The following IFT46 variants were observed in gnomAD, a reference collection of about 807,000 sequenced individuals.
IFT46 encodes the protein intraflagellar transport 46.
Under a neutral mutation model 39.6 loss-of-function variants are expected in IFT46, and 19 were observed. The ratio of observed to expected loss-of-function variants is 0.48; its 90% CI spans 0.33 to 0.70. The LOEUF (loss-of-function observed/expected upper bound fraction) is 0.70, where lower values mean the gene tolerates loss of function less well. Ranked by LOEUF, IFT46 falls within the 30% of genes least tolerant of loss-of-function variation. The pLI, the probability that IFT46 is intolerant of heterozygous loss-of-function variation, is 0.01. For missense variants in IFT46, 334 were observed against 364.8 expected (o/e 0.92, Z 0.69); for synonymous variants, 117 against 134.8 (o/e 0.87, Z 0.91).
At chr11:118,576,881 C>T (rs1288742306), upstream of IFT46, among the ~76,000 whole-genome samples, 2 of 152,132 alleles carry the variant, frequency 1.3e-5, no homozygotes, top group Admixed American at 1.3e-4. Context: ...TTCATCTTGA[C>T]GTACTGAAAG....
chr11:118,551,708 T>C (rs772826797), intron 9 of IFT46, 78 bp downstream of exon 9: 17 of 961,550 alleles, frequency 1.8e-5, no homozygotes, highest in Non-Finnish European at 2.6e-5. Context: ...ATAATAATAA[T>C]GGAGGAAGAG....
At chr11:118,572,182 A>G (rs1938351683) in intron 1 of IFT46, among the ~76,000 whole-genome samples, 1 of 152,114 alleles carries the variant, frequency 6.6e-6, no homozygotes, top group African/African-American at 2.4e-5. Context: ...TGGCTGTGCC[A>G]GCGGCTTGTT....
At chr11:118,565,402 T>A (rs782112759) in intron 1 of IFT46, among the ~76,000 whole-genome samples, 2 of 148,764 alleles carry the variant, frequency 1.3e-5, no homozygotes, top group Non-Finnish European at 3.0e-5. Flanking sequence ...GCTGTTGAGG[T>A]TTCTCAGGGA....
intron 3 of IFT46, among the ~76,000 whole-genome samples, chr11:118,559,418 T>G (rs1203969522): frequency 6.6e-6 from 1 of 152,162 alleles, no homozygotes; most frequent in Non-Finnish European, 1.5e-5. Flanking sequence ...AGCATAAAAT[T>G]ACCTGGACTG....
intron 4 of IFT46, 62 bp downstream of exon 4, chr11:118,556,844 A>G: frequency 2.1e-6 from 3 of 1,459,708 alleles, no homozygotes; most frequent in Non-Finnish European, 2.7e-6. Context: ...ACGTCCTCCC[A>G]CTCCAGTGTT....
In IFT46 at chr11:118,571,685, C is replaced by G. The variant is rs140596518; in HGVS notation, c.-133+911G>C. Among the ~76,000 whole-genome samples the G allele has an allele frequency of 9.1e-4, 139 of 152,330 alleles. 4 individuals carry two copies. The East Asian group carries it at 0.012, about 13-fold the overall frequency. On this transcript the variant is annotated intron_variant, in intron 1 of 5. Transcript: ENST00000528378. ...TTATATATCTTCTTTGGACACATAT[C>G]TATTCAAATCTTTTGCTCATTTTAA... is the stretch of plus-strand genomic sequence containing the variant.
intron 1 of IFT46, chr11:118,572,315 G>A (rs113868672): frequency 3.5e-4 from 178 of 510,790 alleles, no homozygotes; most frequent in African/African-American, 3.4e-3. Context: ...AACCGGAGCG[G>A]GGTACCCTCA....
chr11:118,550,110 T>C (rs1951779168), intron 9 of IFT46, among the ~76,000 whole-genome samples: 1 of 151,620 alleles, frequency 6.6e-6, no homozygotes, highest in South Asian at 2.1e-4. Flanking sequence ...AATTTTTGTA[T>C]TTTTTTAGTA....
At chr11:118,572,527 C>T (rs782023850) in intron 1 of IFT46, 12 of 1,611,264 alleles carry the variant, frequency 7.4e-6, no homozygotes, top group African/African-American at 6.7e-5. Flanking sequence ...AGTGCGGGCG[C>T]GCCCCACCAC....
chr11:118,553,422 CAA>C (rs1937718968), intron 7 of IFT46, among the ~76,000 whole-genome samples: 1 of 137,326 alleles, frequency 7.3e-6, no homozygotes, highest in East Asian at 2.1e-4. Context: ...GCCTGGGCAA[CAA>C]GAGTAAAACT....
At chr11:118,569,351 G>T (rs1938291625), upstream of IFT46, among the ~76,000 whole-genome samples, 1 of 151,430 alleles carries the variant, frequency 6.6e-6, no homozygotes, top group Non-Finnish European at 1.5e-5. Context: ...CCAGAACTTT[G>T]GGGGGACAAG....
Position 118,564,188 on chromosome 11 carries a change from CAAAAAAAAAAAAAA to C in IFT46, c.-36+763_-36+776del, listed in dbSNP as rs34442295. 9.1e-5 allele frequency among the ~76,000 whole-genome samples: 5 copies of C among 55,106 alleles called. No homozygotes were observed. The East Asian group carries it at 2.5e-3, about 28-fold the overall frequency. The allele number at this position is 55,106 out of a possible 152,430, so 36.2% of individuals were successfully genotyped here. ...TGTGTGATAGAGTGAGACTCTGTCT[CAAAAAAAAAAAAAA>C]AAAAAAAAAAAAAGTGGGTCTCCTT... is the stretch of plus-strand genomic sequence containing the variant. On this transcript the variant is annotated intron_variant, in intron 2 of 11. Coordinates refer to ENST00000264021, the MANE Select transcript of IFT46 (RefSeq NM_001168618.2).
intron 3 of IFT46, chr11:118,557,485 T>C (rs1555069751): frequency 2.0e-6 from 1 of 490,048 alleles, no homozygotes; most frequent in Non-Finnish European, 3.6e-6. Context: ...GGAAATCTAA[T>C]ACTTAATTTG....
Position 118,545,822 on chromosome 11 carries a change from C to T in IFT46, c.704G>A (p.Ser235Asn). ...GATCATGTCAATGTACTCTGCCAGG[C>T]TGCAATCAATCTCTGCCGTGGGCAG... ...VSLPTAEIDCSLAEYIDMICA... is the reference protein window; with the variant it reads ...VSLPTAEIDCNLAEYIDMICA... Residue 235 changes from serine to asparagine, a missense_variant, in exon 10 of 12, where the codon AGC becomes AAC. Physicochemically the swap from Ser to Asn is conservative, Grantham distance 46. Transcript: ENST00000264021. 1.2e-6 allele frequency: 2 copies of T among 1,614,196 alleles called. No homozygotes were observed. Among genetic ancestry groups the T allele is most frequent in the South Asian group, 1.1e-5 (1 of 91,082 alleles).
chr11:118,559,889 G>C lies in IFT46; in HGVS notation c.-35-25C>G, dbSNP rs879986089. The C allele has an allele frequency of 2.3e-6, 3 of 1,292,596 alleles. No homozygotes were observed. In the South Asian group the frequency reaches 3.8e-5, roughly 16 times the overall value. The allele number at this position is 1,292,596 out of a possible 1,614,324, so 80.1% of individuals were successfully genotyped here. ...CCTTAGAAAAAAAGTTTTTCCTTTA[G>C]ATTATTGTTAAAATGATTTTTAAAA... On this transcript the variant is annotated intron_variant, in intron 2 of 11. Transcript: ENST00000264021.
chr11:118,546,107 G>A (rs1951678219), intron 9 of IFT46: 1 of 718,382 alleles, frequency 1.4e-6, no homozygotes, highest in African/African-American at 1.7e-5. Flanking sequence ...AGTATGACTG[G>A]TGTCCTTATA....
chr11:118,554,445 A>G lies in IFT46; in HGVS notation c.483+14T>C. 6.3e-7 allele frequency: 1 copy of G among 1,596,564 alleles called. No homozygotes were observed. The highest frequency in any genetic ancestry group is 8.5e-7 in the Non-Finnish European group (1 of 1,173,870). On this transcript the variant is annotated intron_variant, in intron 7 of 11. Transcript: ENST00000264021. The stretch of plus-strand genomic sequence containing the variant: ...CCCTCTCCAGCTGGGGCCTATACTA[A>G]GCTAGTATCTTACTGTGATGTTGTG...
At chr11:118,561,345 A>AGAACCAGTTCTCTCAATGCAT in intron 2 of IFT46, 1 of 942,622 alleles carries the variant, frequency 1.1e-6, no homozygotes, top group East Asian at 2.4e-5. Context: ...GATGCTTACA[A>AGAACCAGTTCTCTCAATGCAT]GAACCAGTTC....
chr11:118,562,997 G>A (rs566768169), intron 2 of IFT46, among the ~76,000 whole-genome samples: 13 of 151,792 alleles, frequency 8.6e-5, no homozygotes, highest in Non-Finnish European at 1.3e-4. Context: ...CCCGGGAGGC[G>A]TAGGTTGCAG....
Sources: allele counts gnomAD v4.1 joint callset (sites outside exome capture counted in the v4.1 genomes callset), GRCh38; gene constraint gnomAD v4.1.1; transcripts MANE v1.5; gene names NCBI Gene and HGNC (gene_info 2026-07-23, HGNC 2026-07-21).